The following PRKN variants were observed in gnomAD, a reference collection of about 807,000 sequenced individuals.
The protein encoded by PRKN is parkin RBR E3 ubiquitin protein ligase.
A neutral mutation model predicts 59.5 loss-of-function variants in PRKN; 56 were observed. The ratio of observed to expected loss-of-function variants is 0.94; its 90% CI spans 0.76 to 1.18. The LOEUF is 1.18. Ranked by LOEUF, PRKN falls within the 50% of genes most tolerant of loss-of-function variation. PRKN has a pLI of 0.00. For missense variants in PRKN, 657 were observed against 596.4 expected, an observed-to-expected ratio of 1.10 and a Z score of -1.06; for synonymous variants, 250 against 222.1, an observed-to-expected ratio of 1.13 and a Z score of -1.12.
intron 6 of PRKN, among the ~76,000 whole-genome samples, chr6:161,906,655 C>CATATAT (rs1168847600): frequency 1.1e-5 from 1 of 90,538 alleles, no homozygotes; most frequent in Non-Finnish European, 2.3e-5. Context: ...TCTAATAGAA[C>CATATAT]ATACATATAT....
rs73020795 is a variant in PRKN, at chr6:162,258,153, G to A, written c.412+4372C>T. 2.9e-3 allele frequency among the ~76,000 whole-genome samples: 437 copies of A among 152,192 alleles called. 4 individuals carry two copies. Among genetic ancestry groups the A allele is most frequent in the South Asian group, 0.022 (105 of 4,818 alleles). On this transcript the variant is annotated intron_variant, in intron 3 of 11. Transcript: ENST00000366898. ...AGGCCTCGCGGCTGCTGTATATTAC[G>A]GAACTCCCCACCAATACTCTTTGTC...
chr6:161,737,106 C>T (rs1787995010), intron 7 of PRKN, among the ~76,000 whole-genome samples: 1 of 152,172 alleles, frequency 6.6e-6, no homozygotes, highest in African/African-American at 2.4e-5. Context: ...TGGGATGTGT[C>T]AATTCTGCAA....
Position 161,467,804 on chromosome 6 carries a change from G to C in PRKN, c.1084-80927C>G, listed in dbSNP as rs1790557064. Among the ~76,000 whole-genome samples, 1 of 152,120 alleles carries C rather than the reference G, an allele frequency of 6.6e-6. No individual in the cohort carries two copies. The highest frequency in any genetic ancestry group is 6.5e-5 in the Admixed American group (1 of 15,280). ...GCTGATCAGTGAGCTGTGAGTAGAG[G>C]GTTTCCTGGGGATTCCAGGGAGCTA... On this transcript the variant is annotated intron_variant, in intron 9 of 11. Coordinates refer to ENST00000366898, the MANE Select transcript of PRKN (RefSeq NM_004562.3). The surrounding 1 kb of genome is among the most constrained non-coding windows in gnomAD (Gnocchi z 4.3).
intron 7 of PRKN, among the ~76,000 whole-genome samples, chr6:161,720,664 G>T (rs923991909): frequency 2.4e-4 from 36 of 152,222 alleles, no homozygotes; most frequent in African/African-American, 7.9e-4. Context: ...TCCTAACCAG[G>T]ATGATTAAGA....
At chr6:162,125,283 C>T (rs1197520351) in intron 4 of PRKN, among the ~76,000 whole-genome samples, 3 of 152,166 alleles carry the variant, frequency 2.0e-5, no homozygotes, top group Non-Finnish European at 4.4e-5. Context: ...TGTGAGTCCA[C>T]GGGCGGCACC....
chr6:162,709,115 C>G (rs1038937202), intron 1 of PRKN, among the ~76,000 whole-genome samples: 8 of 152,046 alleles, frequency 5.3e-5, no homozygotes, highest in African/African-American at 1.9e-4. Context: ...TGGGACTGTC[C>G]AGTTACAGCA....
At chr6:162,555,869 T>C (rs1180330335) in intron 1 of PRKN, among the ~76,000 whole-genome samples, 1 of 150,824 alleles carries the variant, frequency 6.6e-6, no homozygotes, top group Admixed American at 6.7e-5. Context: ...TGTATGCCTG[T>C]AATCCCAGTT....
At chr6:161,652,516 G>T (rs1784186687) in intron 7 of PRKN, among the ~76,000 whole-genome samples, 1 of 152,118 alleles carries the variant, frequency 6.6e-6, no homozygotes, top group Non-Finnish European at 1.5e-5. Flanking sequence ...GTTGCTTTAA[G>T]TATTTTTCTA....
intron 1 of PRKN, among the ~76,000 whole-genome samples, chr6:162,609,156 T>C (rs968561728): frequency 6.6e-6 from 1 of 152,156 alleles, no homozygotes; most frequent in Non-Finnish European, 1.5e-5. Context: ...GTACAGAAGA[T>C]AAAGTGCAGG....
chr6:161,465,748 T>C (rs1205202768), intron 9 of PRKN, among the ~76,000 whole-genome samples: 1 of 152,192 alleles, frequency 6.6e-6, no homozygotes, highest in South Asian at 2.1e-4. Flanking sequence ...GGTATTTAAT[T>C]TGATGTTTTC....
At chr6:161,845,698 A>G (rs1314918652) in intron 6 of PRKN, among the ~76,000 whole-genome samples, 1 of 152,214 alleles carries the variant, frequency 6.6e-6, no homozygotes, top group East Asian at 1.9e-4. Context: ...GAAGCTTCCT[A>G]ACACTGTCAT....
rs181737024 is a variant in PRKN, at chr6:161,743,312, C to T, written c.871+42460G>A. 9.2e-4 allele frequency among the ~76,000 whole-genome samples: 138 copies of T among 149,284 alleles called. 4 individuals are homozygous for T. The highest frequency in any genetic ancestry group is 3.4e-3 in the East Asian group (17 of 5,060). ...TCGGCTCACTGCAAGCTCCGCCTCC[C>T]GGGTTCATGCCATTCTCCTGCCTCA... On this transcript the variant is annotated intron_variant, in intron 7 of 11. Coordinates refer to ENST00000366898, the MANE Select transcript of PRKN (RefSeq NM_004562.3).
chr6:161,692,906 C>T (rs1785856797), intron 7 of PRKN, among the ~76,000 whole-genome samples: 1 of 149,804 alleles, frequency 6.7e-6, no homozygotes, highest in South Asian at 2.1e-4. Context: ...AGAGATCATA[C>T]CACTGCACTC....
At chr6:162,359,069 A>T (rs888024549) in intron 2 of PRKN, among the ~76,000 whole-genome samples, 1 of 96,742 alleles carries the variant, frequency 1.0e-5, no homozygotes, top group African/African-American at 6.2e-5. Context: ...CAAAAAAAAA[A>T]AAAAAAAAAA....
Position 162,062,533 on chromosome 6 carries a change from T to C in PRKN, c.535-8359A>G, listed in dbSNP as rs540504962. The stretch of plus-strand genomic sequence containing the variant: ...CTTGACAGAGGAAATTAAGTTAAAA[T>C]GAGGTCATTAGGGTGAGTCCCAATC... On this transcript the variant is annotated intron_variant, in intron 4 of 11. Coordinates refer to ENST00000366898, the MANE Select transcript of PRKN (RefSeq NM_004562.3). 9.2e-5 allele frequency among the ~76,000 whole-genome samples: 14 copies of C among 152,234 alleles called. No individual in the cohort carries two copies. In the South Asian group the frequency reaches 2.9e-3, roughly 32 times the overall value.
intron 7 of PRKN, among the ~76,000 whole-genome samples, chr6:161,610,829 G>T (rs1162652472): frequency 6.6e-6 from 1 of 152,152 alleles, no homozygotes; most frequent in Non-Finnish European, 1.5e-5. Flanking sequence ...TGCTTGTGTT[G>T]GAAAGAAGGG....
chr6:161,875,515 A>G (rs1223366195), intron 6 of PRKN, among the ~76,000 whole-genome samples: 1 of 152,024 alleles, frequency 6.6e-6, no homozygotes, highest in East Asian at 1.9e-4. Flanking sequence ...TATTCTCATC[A>G]GCACCTGTCA....
chr6:161,457,891 G>T lies in PRKN; in HGVS notation c.1084-71014C>A, dbSNP rs1790043514. The stretch of plus-strand genomic sequence containing the variant: ...TTTTGTCTTTCCTTTGTAGTTTTTT[G>T]GGAAAAGGACGCCAATAATCAAAAG... On this transcript the variant is annotated intron_variant, in intron 9 of 11. Transcript: ENST00000366898. This position sits in a 1 kb window ranked among gnomAD's most constrained non-coding sequence, Gnocchi z 5.0. 1.3e-5 allele frequency among the ~76,000 whole-genome samples: 2 copies of T among 152,150 alleles called. No individual in the cohort carries two copies. The highest frequency in any genetic ancestry group is 2.9e-5 in the Non-Finnish European group (2 of 68,022).
chr6:162,177,219 A>G (rs12202701), intron 4 of PRKN, among the ~76,000 whole-genome samples: 24,681 of 152,178 alleles, frequency 0.16, 2,277 homozygotes, highest in Middle Eastern at 0.28. Context: ...TTATGCAGTC[A>G]TAAAAAATTT....
Sources: gnomAD v4.1 joint callset for allele counts (sites outside exome capture counted in the v4.1 genomes callset) on GRCh38, gnomAD v4.1.1 for gene constraint, Gnocchi (gnomAD v3.1) non-coding constraint, MANE v1.5 for transcripts, NCBI Gene and HGNC (gene_info 2026-07-23, HGNC 2026-07-21) for gene names.